Variants in SLC44A2 observed in about 807,000 individuals in gnomAD.
SLC44A2 encodes solute carrier family 44 member 2 (CTL2 blood group), also known as choline transporter-like protein 2.
SLC44A2 carries 57 observed loss-of-function variants against 90.8 expected under a neutral mutation model. The observed-to-expected ratio is 0.63, with a 90% confidence interval of 0.51 to 0.78. The LOEUF is 0.78. Ranked by LOEUF, SLC44A2 falls within the 30% of genes least tolerant of loss-of-function variation. SLC44A2 has a pLI of 0.00. For missense variants in SLC44A2, 794 were observed against 919.7 expected (o/e 0.86, Z 1.77); for synonymous variants, 355 against 360.7 (o/e 0.98, Z 0.18).
chr19:10,617,685 C>T lies in SLC44A2; in HGVS notation c.32-8568C>T, dbSNP rs995829592. Reference sequence around the variant, plus strand: ...CATCAAACCTAGACTGGGAACGGACCGCTCAAGTGACTAGCAAAGCCCTTC... The same window carrying T: ...CATCAAACCTAGACTGGGAACGGACTGCTCAAGTGACTAGCAAAGCCCTTC... On this transcript the variant is annotated intron_variant, in intron 1 of 21. Transcript: ENST00000407327. Among the ~76,000 whole-genome samples the T allele has an allele frequency of 3.3e-5, 5 of 152,286 alleles. No homozygotes were observed. In the South Asian group the frequency reaches 1.0e-3, roughly 32 times the overall value.
At chr19:10,614,466 CAA>C (rs993237841) in intron 1 of SLC44A2, among the ~76,000 whole-genome samples, 37 of 152,178 alleles carry the variant, frequency 2.4e-4, no homozygotes, top group Admixed American at 1.1e-3. Context: ...CTCCTGGCCT[CAA>C]GAGATCCTCC....
At position 10,636,328 on chromosome 19, in the gene SLC44A2, C is replaced by A. The variant is rs116819166; in HGVS notation, c.1239C>A (p.Phe413Leu). The change falls in exon 15 of 22, where the codon TTC (phenylalanine) becomes TTA (leucine). Residue 413 changes from phenylalanine (F) to leucine (L), a missense_variant. Around this residue, in one of 3 missense-constraint regions of SLC44A2, gnomAD observed 738 missense variants for 841.1 expected, o/e 0.88. Transcript: ENST00000335757. ...TTCTCCCTTCTCTCCCACAGACCTT[C>A]CCCTCCTCCAATGAGTCCCGCCAAT... ...FTAKTCNPET[F>L]PSSNESRQCP... 3 of 1,611,002 alleles carry A rather than the reference C, an allele frequency of 1.9e-6. No homozygotes were observed. In the African/African-American group the frequency reaches 4.0e-5, roughly 22 times the overall value.
In SLC44A2 at chr19:10,631,347, T is replaced by G. The variant is rs1192528269; in HGVS notation, c.403T>G (p.Tyr135Asp). 1 of 1,614,190 alleles carries G rather than the reference T, an allele frequency of 6.2e-7. No homozygotes were observed. The highest frequency in any genetic ancestry group is 2.2e-5 in the East Asian group (1 of 44,880). Residue 135 changes from tyrosine (Y) to aspartate (D), a missense_variant, in exon 6 of 22, where the codon TAT becomes GAT. By Grantham distance (160) the Tyr-to-Asp change is radical. Around this residue, in one of 3 missense-constraint regions of SLC44A2, gnomAD observed 738 missense variants for 841.1 expected, o/e 0.88. Transcript: ENST00000335757. ...TCGCAGCTCCCGGGACTTTGAGTAC[T>G]ATAAGCAGTTCTGTGTTCCTGGCTT... ...NARSSRDFEY[Y>D]KQFCVPGFKN...
intron 20 of SLC44A2, among the ~76,000 whole-genome samples, chr19:10,642,145 A>G (rs2067122784): frequency 6.7e-6 from 1 of 148,910 alleles, no homozygotes. Flanking sequence ...CAACAGAGTG[A>G]GATTCCGTCT....
rs776384593 is a variant in SLC44A2, at chr19:10,644,277, C to G, written c.*892C>G. 6.6e-6 allele frequency: 1 copy of G among 152,662 alleles called. No individual in the cohort carries two copies. Among genetic ancestry groups the G allele is most frequent in the Non-Finnish European group, 1.5e-5 (1 of 68,062 alleles). The allele number at this position is 152,662 out of a possible 1,614,324, so 9.5% of individuals were successfully genotyped here. ...GATGTCCTGGGCAAACCGGGCCCCT[C>G]TGCCCACACACCTCACTTGATCCTT... On this transcript the variant is annotated 3_prime_UTR_variant, in exon 22 of 22. Coordinates refer to ENST00000335757, the MANE Select transcript of SLC44A2 (RefSeq NM_020428.4).
rs1011307081 is a variant in SLC44A2, at chr19:10,642,948, C to T, written c.2015-331C>T. 5.0e-6 allele frequency: 8 copies of T among 1,593,874 alleles called. No homozygotes were observed. The African/African-American group carries it at 6.7e-5, about 13-fold the overall frequency. ...TCTCAGGAGCGACCCTACTTCATGT[C>T]GCCCGAGCTGAGAGACATCCTGTTG... On this transcript the variant is annotated intron_variant, in intron 21 of 21. Coordinates refer to ENST00000335757, the MANE Select transcript of SLC44A2 (RefSeq NM_020428.4).
chr19:10,605,774 A>G (rs992623264), intron 1 of SLC44A2, among the ~76,000 whole-genome samples: 1 of 151,724 alleles, frequency 6.6e-6, no homozygotes, highest in South Asian at 2.1e-4. Flanking sequence ...TGGGTGGGTC[A>G]CTTGAGGTCA....
At position 10,626,854 on chromosome 19, in the gene SLC44A2, G is replaced by A. The variant is rs201400193; in HGVS notation, c.86+553G>A. ...AACCTTCCCCTCCTGGTTCAAGCAC[G>A]TCTTCTGTCTCAGCCTCTCCAGTAG... On this transcript the variant is annotated intron_variant, in intron 2 of 21. Coordinates refer to ENST00000335757, the MANE Select transcript of SLC44A2 (RefSeq NM_020428.4). Among the ~76,000 whole-genome samples, 97 of 146,500 alleles carry A rather than the reference G, an allele frequency of 6.6e-4. 1 individual carries two copies. In the East Asian group the frequency reaches 0.012, roughly 19 times the overall value.
intron 13 of SLC44A2, 23 bp downstream of exon 13, chr19:10,635,278 C>T (rs978223581): frequency 5.0e-6 from 8 of 1,613,380 alleles, no homozygotes; most frequent in Middle Eastern, 1.6e-4. Flanking sequence ...AGACACTGAT[C>T]TCTGACCCCA....
upstream of SLC44A2, chr19:10,625,515 G>T (rs2066922730): frequency 6.5e-6 from 8 of 1,225,650 alleles, no homozygotes; most frequent in South Asian, 2.5e-4. Flanking sequence ...GCCCCGCCTG[G>T]CGCTGTGCTG....
chr19:10,642,889 G>C (rs771622191), intron 21 of SLC44A2: 74 of 1,582,364 alleles, frequency 4.7e-5, no homozygotes, highest in Non-Finnish European at 6.1e-5. Flanking sequence ...TTCCCGGGGG[G>C]AGCCCAGGTG....
intron 16 of SLC44A2, 30 bp downstream of exon 16, chr19:10,636,786 C>T (rs921445819): frequency 3.7e-6 from 6 of 1,601,238 alleles, no homozygotes; most frequent in Middle Eastern, 1.7e-4. Context: ...CGCATTAGCT[C>T]CTGTTGCGGG....
intron 1 of SLC44A2, among the ~76,000 whole-genome samples, chr19:10,604,077 G>A (rs1918034400): frequency 6.6e-6 from 1 of 152,194 alleles, no homozygotes; most frequent in Non-Finnish European, 1.5e-5. Context: ...TATTTATTGA[G>A]CACGATTTAG....
chr19:10,637,815 C>T (rs11669522), intron 17 of SLC44A2, 41 bp from the exon 18 acceptor site: 116 of 1,613,352 alleles, frequency 7.2e-5, no homozygotes, highest in Non-Finnish European at 9.5e-5. Flanking sequence ...CCCCCCATGC[C>T]CACCCAGTGG....
In SLC44A2 at chr19:10,634,825, A is replaced by C. The variant is rs760446259; in HGVS notation, c.893A>C (p.Asp298Ala). ...GCCGGCTCTGATGTCTCTTTGGTGG[A>C]CCTCGGCTTTCAGACGGATTTCCGG... ...GEAGSDVSLV[D>A]LGFQTDFRVY... Residue 298 changes from aspartate (D) to alanine (A), a missense_variant, in exon 11 of 22, where the codon GAC (aspartate) becomes GCC (alanine). Coordinates refer to ENST00000335757, the MANE Select transcript of SLC44A2 (RefSeq NM_020428.4). 3.3e-5 allele frequency: 53 copies of C among 1,614,016 alleles called. No homozygotes were observed. The highest frequency in any genetic ancestry group is 4.5e-5 in the Non-Finnish European group (53 of 1,180,016).
intron 13 of SLC44A2, 56 bp from the exon 14 acceptor site, chr19:10,635,375 A>T (rs1455915124): frequency 1.2e-6 from 2 of 1,610,260 alleles, no homozygotes; most frequent in Admixed American, 1.7e-5. Flanking sequence ...ATTCTTTCCC[A>T]CAAAAGTCCC....
chr19:10,633,924 G>C (rs1300676414), intron 10 of SLC44A2, among the ~76,000 whole-genome samples: 10 of 151,190 alleles, frequency 6.6e-5, no homozygotes, highest in Admixed American at 6.6e-4. Flanking sequence ...GATCACCTGA[G>C]GTTGGGAGTT....
rs375469547 is a variant in SLC44A2, at chr19:10,642,362, C to G, written c.1930-5C>G. ...AGCAGGGACAGCTCGTTTCTCCTTG[C>G]CCAGACGGTGATCGTTGGCTCCTAC... On this transcript the variant is annotated splice_polypyrimidine_tract_variant and splice_region_variant and intron_variant, in intron 20 of 21. Transcript: ENST00000335757. 6.2e-7 allele frequency: 1 copy of G among 1,613,890 alleles called. No homozygotes were observed. Among genetic ancestry groups the G allele is most frequent in the South Asian group, 1.1e-5 (1 of 91,070 alleles).
At chr19:10,633,367 A>G (rs1314750118) in intron 10 of SLC44A2, among the ~76,000 whole-genome samples, 2 of 151,470 alleles carry the variant, frequency 1.3e-5, no homozygotes, top group Non-Finnish European at 2.9e-5. Flanking sequence ...GGGTTTTACC[A>G]TATTGGCCAG....
Sources: gnomAD v4.1 joint callset for allele counts (sites outside exome capture counted in the v4.1 genomes callset) on GRCh38, gnomAD v4.1.1 for gene constraint, gnomAD v4.1.1 regional missense constraint, MANE v1.5 for transcripts, NCBI Gene and HGNC (gene_info 2026-07-23, HGNC 2026-07-21) for gene names.